The following AUTS2 variants were observed in gnomAD, a reference collection of about 807,000 sequenced individuals.
AUTS2 encodes autism susceptibility gene 2 protein.
Under a neutral mutation model 112.4 loss-of-function variants are expected in AUTS2, and 17 were observed. The ratio of observed to expected loss-of-function variants is 0.15; its 90% CI spans 0.10 to 0.23. The LOEUF (loss-of-function observed/expected upper bound fraction) is 0.23, where lower values mean the gene tolerates loss of function less well. Among genes scored for constraint, AUTS2 ranks in the 10% least tolerant of loss-of-function variants. The pLI is 1.00. For synonymous variants in AUTS2, 751 were observed against 702.7 expected, an observed-to-expected ratio of 1.07 and a Z score of -1.09; for missense variants, 1,510 against 1,701.6, an observed-to-expected ratio of 0.89 and a Z score of 1.98.
At chr7:69,795,167 A>G (rs1789784296) in intron 1 of AUTS2, among the ~76,000 whole-genome samples, 1 of 152,198 alleles carries the variant, frequency 6.6e-6, no homozygotes, top group South Asian at 2.1e-4. Context: ...TACTGTTATT[A>G]TGGTTACTAT....
chr7:69,848,123 G>A (rs1792292964), intron 1 of AUTS2, among the ~76,000 whole-genome samples: 1 of 152,144 alleles, frequency 6.6e-6, no homozygotes, highest in African/African-American at 2.4e-5. Context: ...GTAAGCCACA[G>A]GTGGCCCTCA....
At chr7:69,889,656 T>C (rs1256826617) in intron 1 of AUTS2, among the ~76,000 whole-genome samples, 2 of 152,180 alleles carry the variant, frequency 1.3e-5, no homozygotes, top group Admixed American at 1.3e-4. Flanking sequence ...AAAGAACATA[T>C]TACATGTAAA....
At chr7:69,764,382 T>C (rs1228451003) in intron 1 of AUTS2, among the ~76,000 whole-genome samples, 1 of 152,052 alleles carries the variant, frequency 6.6e-6, no homozygotes, top group Non-Finnish European at 1.5e-5. Flanking sequence ...GAGAGTTTTT[T>C]TTTTTTTCTT....
chr7:70,030,259 T>C (rs1464338692), intron 2 of AUTS2, among the ~76,000 whole-genome samples: 2 of 152,222 alleles, frequency 1.3e-5, no homozygotes, highest in African/African-American at 4.8e-5. Context: ...GTACAATGAA[T>C]GTGATACAGC....
At chr7:70,087,372 C>CTT (rs571292584) in intron 2 of AUTS2, among the ~76,000 whole-genome samples, 2 of 137,716 alleles carry the variant, frequency 1.5e-5, no homozygotes, top group Admixed American at 1.5e-4. Context: ...TTTTCTTTTT[C>CTT]TTTTTTTTTT....
intron 2 of AUTS2, among the ~76,000 whole-genome samples, chr7:69,917,957 C>T (rs1795657045): frequency 6.6e-6 from 1 of 152,050 alleles, no homozygotes; most frequent in South Asian, 2.1e-4. Flanking sequence ...ATTCTTCTGC[C>T]TCAGCCTCCC....
At chr7:69,636,208 G>A (rs1428352421) in intron 1 of AUTS2, among the ~76,000 whole-genome samples, 3 of 152,212 alleles carry the variant, frequency 2.0e-5, no homozygotes, top group East Asian at 1.9e-4. Context: ...ACATAGATAA[G>A]CAAGGAAGAA....
At chr7:70,137,768 T>C (rs1387163614) in intron 4 of AUTS2, among the ~76,000 whole-genome samples, 1 of 152,226 alleles carries the variant, frequency 6.6e-6, no homozygotes, top group African/African-American at 2.4e-5. Flanking sequence ...TACTGCCTTC[T>C]GTTATTCACA....
intron 4 of AUTS2, among the ~76,000 whole-genome samples, chr7:70,331,804 T>C (rs1790765282): frequency 6.6e-6 from 1 of 152,152 alleles, no homozygotes; most frequent in South Asian, 2.1e-4. Flanking sequence ...AAACTAGGTA[T>C]TGATTTAACG....
At chr7:70,088,167 A>G (rs1244895056) in intron 2 of AUTS2, among the ~76,000 whole-genome samples, 1 of 152,008 alleles carries the variant, frequency 6.6e-6, no homozygotes. Context: ...TCTGTCGCCC[A>G]GGCTGGAGTG....
chr7:69,634,899 G>C (rs761034993), intron 1 of AUTS2, among the ~76,000 whole-genome samples: 8 of 152,164 alleles, frequency 5.3e-5, no homozygotes, highest in Non-Finnish European at 1.0e-4. Context: ...GGTGACCTTT[G>C]AGGGCTCTCC....
chr7:70,108,684 C>T (rs971165117), intron 2 of AUTS2, among the ~76,000 whole-genome samples: 7 of 147,458 alleles, frequency 4.7e-5, no homozygotes, highest in South Asian at 4.4e-4. Context: ...AATTCCAGGC[C>T]GGGAGCTGTG....
chr7:70,426,644 T>C (rs1418052218), intron 4 of AUTS2, among the ~76,000 whole-genome samples: 7 of 152,210 alleles, frequency 4.6e-5, no homozygotes, highest in Admixed American at 4.6e-4. Context: ...CAATTCTGCT[T>C]GCCGTCTGCA....
At chr7:70,674,314 G>A (rs1563118805) in intron 5 of AUTS2, among the ~76,000 whole-genome samples, 1 of 152,158 alleles carries the variant, frequency 6.6e-6, no homozygotes, top group Non-Finnish European at 1.5e-5. Flanking sequence ...GATGATGACT[G>A]ACAGATTAAT....
chr7:70,652,008 A>G (rs574294963), intron 5 of AUTS2, among the ~76,000 whole-genome samples: 1 of 152,320 alleles, frequency 6.6e-6, no homozygotes, highest in East Asian at 1.9e-4. Flanking sequence ...CCGGATTATG[A>G]TCACATCATA....
At chr7:70,181,500 T>G (rs1175967257) in intron 4 of AUTS2, among the ~76,000 whole-genome samples, 2 of 152,060 alleles carry the variant, frequency 1.3e-5, no homozygotes, top group African/African-American at 4.8e-5. Flanking sequence ...TTTCTTTTTT[T>G]TTTTGAGATG....
At chr7:70,383,828 G>A (rs532040889) in intron 4 of AUTS2, among the ~76,000 whole-genome samples, 1 of 152,256 alleles carries the variant, frequency 6.6e-6, no homozygotes, top group South Asian at 2.1e-4. Context: ...CCCTTTCTCT[G>A]CAAAGTGGGA....
chr7:70,698,604 T>G lies in AUTS2; in HGVS notation c.726T>G (p.Thr242=). Residue 242 remains threonine (T), a synonymous_variant, in exon 6 of 19, where the codon ACT becomes ACG. Coordinates refer to ENST00000342771, the MANE Select transcript of AUTS2 (RefSeq NM_015570.4). ...CCAGCTCTGAAAAACTCTTCAACAC[T>G]GTTATTGTAAACAAAGGTAAGACCC... ...SDASSEKLFN[T]VIVNKDPELG... is the part of the protein sequence containing the mutation. The G allele has an allele frequency of 6.2e-7, 1 of 1,607,602 alleles. No individual in the cohort carries two copies. The highest frequency in any genetic ancestry group is 2.2e-5 in the East Asian group (1 of 44,744).
intron 5 of AUTS2, among the ~76,000 whole-genome samples, chr7:70,622,600 C>T (rs1804739706): frequency 6.6e-6 from 1 of 152,054 alleles, no homozygotes; most frequent in African/African-American, 2.4e-5. Flanking sequence ...TTTAGCAATC[C>T]GAAGTTATAT....
Sources: allele counts gnomAD v4.1 joint callset (sites outside exome capture counted in the v4.1 genomes callset), GRCh38; gene constraint gnomAD v4.1.1; transcripts MANE v1.5; gene names NCBI Gene and HGNC (gene_info 2026-07-23, HGNC 2026-07-21).